GNA14: variants seen among roughly 807,000 people sequenced by gnomAD.
The protein encoded by GNA14 is guanine nucleotide-binding protein subunit alpha-14.
GNA14 carries 50 observed loss-of-function variants against 42.0 expected under a neutral mutation model. The observed-to-expected ratio is 1.19, with a 90% CI of 0.95 to 1.51. The LOEUF (loss-of-function observed/expected upper bound fraction) is 1.51. Ranked by LOEUF, GNA14 falls within the 40% of genes most tolerant of loss-of-function variation. GNA14 has a pLI of 0.00. For synonymous variants in GNA14, 173 were observed against 163.1 expected, an observed-to-expected ratio of 1.06 and a Z score of -0.46; for missense variants, 473 against 446.2, an observed-to-expected ratio of 1.06 and a Z score of -0.54.
At chr9:77,630,113 T>G (rs1186580267) in intron 1 of GNA14, among the ~76,000 whole-genome samples, 2 of 71,616 alleles carry the variant, frequency 2.8e-5, no homozygotes, top group African/African-American at 1.6e-4. Flanking sequence ...TTGTTTTTTG[T>G]TTTTTTTTTT....
intron 2 of GNA14, among the ~76,000 whole-genome samples, chr9:77,449,607 G>T (rs1835872863): frequency 6.6e-6 from 1 of 152,110 alleles, no homozygotes; most frequent in Non-Finnish European, 1.5e-5. Context: ...TCTCCCTGGG[G>T]CGCTGCTGAC....
chr9:77,425,539 C>T (rs777218501), intron 6 of GNA14, 23 bp downstream of exon 6: 3 of 1,568,694 alleles, frequency 1.9e-6, no homozygotes, highest in Admixed American at 1.8e-5. Context: ...ACAGAAAACA[C>T]TGTCCACAAG....
intron 2 of GNA14, among the ~76,000 whole-genome samples, chr9:77,437,791 T>C (rs1013978697): frequency 6.6e-6 from 1 of 152,152 alleles, no homozygotes; most frequent in South Asian, 2.1e-4. Flanking sequence ...AACACAGATA[T>C]GCCCTCACTT....
intron 1 of GNA14, among the ~76,000 whole-genome samples, chr9:77,598,619 A>G (rs1242436396): frequency 2.6e-5 from 4 of 152,168 alleles, no homozygotes; most frequent in African/African-American, 9.7e-5. Flanking sequence ...ATTTACTGGC[A>G]TATATGTGGA....
chr9:77,602,380 G>A (rs373488953), intron 1 of GNA14, among the ~76,000 whole-genome samples: 5 of 152,176 alleles, frequency 3.3e-5, no homozygotes, highest in African/African-American at 4.8e-5. Flanking sequence ...TTTTCTGACC[G>A]CATAGCAAAT....
rs75404531 is a variant in GNA14 at position 77,535,906 on chromosome 9, T to C, written c.125-6653A>G. 9.1e-5 allele frequency among the ~76,000 whole-genome samples: 13 copies of C among 143,064 alleles called. No individual in the cohort carries two copies. In the South Asian group the frequency reaches 1.1e-3, roughly 12 times the overall value. 93.9% of individuals were successfully genotyped at this position (143,064 alleles called of 152,430 possible). A position where few individuals can be genotyped will look rare whatever the true frequency, so the allele number is the denominator to read the frequency against. On this transcript the variant is annotated intron_variant, in intron 1 of 6. Coordinates refer to ENST00000341700, the MANE Select transcript of GNA14 (RefSeq NM_004297.4). ...TTAGTTGTTTTGTTTTTTTTTTTTT[T>C]CCAAGCAAGTTCCAATTTTATTTCT...
rs888842964 is a variant in GNA14, at chr9:77,565,035, G to A, written c.125-35782C>T. ...ATAATTTTAACATGTTTCCTACTGT[G>A]CATATTGTTCTGCTGCTGTTTTCAC... On this transcript the variant is annotated intron_variant, in intron 1 of 6. Coordinates refer to ENST00000341700, the MANE Select transcript of GNA14 (RefSeq NM_004297.4). Among the ~76,000 whole-genome samples, 8 of 152,202 alleles carry A rather than the reference G, an allele frequency of 5.3e-5. 1 individual carries two copies. The highest frequency in any genetic ancestry group is 2.6e-4 in the Admixed American group (4 of 15,296).
chr9:77,612,893 T>A (rs1300214355), intron 1 of GNA14, among the ~76,000 whole-genome samples: 1 of 152,138 alleles, frequency 6.6e-6, no homozygotes, highest in African/African-American at 2.4e-5. Context: ...GAAAGCAGGA[T>A]CTGAATGAGA....
At chr9:77,457,070 C>G (rs1228617251) in intron 2 of GNA14, among the ~76,000 whole-genome samples, 1 of 152,188 alleles carries the variant, frequency 6.6e-6, no homozygotes, top group Non-Finnish European at 1.5e-5. Flanking sequence ...GAAGCAAGAC[C>G]CAGGGTGCTT....
chr9:77,449,922 G>T (rs540059564), intron 2 of GNA14, among the ~76,000 whole-genome samples: 1 of 152,250 alleles, frequency 6.6e-6, no homozygotes, highest in Non-Finnish European at 1.5e-5. Flanking sequence ...GCCTCACAGT[G>T]ACTCAGACCC....
intron 3 of GNA14, among the ~76,000 whole-genome samples, chr9:77,432,522 G>A (rs1452523492): frequency 1.3e-5 from 2 of 152,166 alleles, no homozygotes; most frequent in Non-Finnish European, 2.9e-5. Context: ...CACAGTGCCT[G>A]GCGCATCACA....
chr9:77,572,241 C>T (rs942975506), intron 1 of GNA14, among the ~76,000 whole-genome samples: 5 of 152,026 alleles, frequency 3.3e-5, no homozygotes, highest in Non-Finnish European at 7.4e-5. Flanking sequence ...AAGTGTTTTC[C>T]AAGAAAAGAT....
At chr9:77,488,420 A>G (rs530475703) in intron 2 of GNA14, among the ~76,000 whole-genome samples, 8 of 152,326 alleles carry the variant, frequency 5.3e-5, no homozygotes, top group Admixed American at 2.0e-4. Flanking sequence ...CTGAAAAGAT[A>G]AATATCACTG....
At chr9:77,615,863 TG>T (rs143656374) in intron 1 of GNA14, among the ~76,000 whole-genome samples, 9,841 of 138,974 alleles carry the variant, frequency 0.071, 453 homozygotes, top group African/African-American at 0.16. Context: ...TTTTGTTTTT[TG>T]GGGTTTTTTT....
chr9:77,487,074 T>C (rs1453159405), intron 2 of GNA14, among the ~76,000 whole-genome samples: 1 of 149,912 alleles, frequency 6.7e-6, no homozygotes, highest in East Asian at 2.0e-4. Flanking sequence ...CAGCATAGAA[T>C]GAGGTATGCT....
Position 77,507,648 on chromosome 9 carries a change from A to G in GNA14, c.309+21421T>C, listed in dbSNP as rs1021279365. On this transcript the variant is annotated intron_variant, in intron 2 of 6. Coordinates refer to ENST00000341700, the MANE Select transcript of GNA14 (RefSeq NM_004297.4). ...CAAAGCATTACTCCAATAATCAGAA[A>G]AACAGCCGTTTGTTTTTAACGGCTC... 2.6e-5 allele frequency among the ~76,000 whole-genome samples: 4 copies of G among 152,280 alleles called. No homozygotes were observed. The South Asian group carries it at 8.3e-4, about 32-fold the overall frequency.
At chr9:77,510,721 G>A (rs1837151492) in intron 2 of GNA14, among the ~76,000 whole-genome samples, 1 of 152,210 alleles carries the variant, frequency 6.6e-6, no homozygotes, top group East Asian at 1.9e-4. Flanking sequence ...GCCCCTGGGA[G>A]AAGTGATGGA....
At chr9:77,632,781 G>A (rs1824119432) in intron 1 of GNA14, among the ~76,000 whole-genome samples, 1 of 152,186 alleles carries the variant, frequency 6.6e-6, no homozygotes, top group Non-Finnish European at 1.5e-5. Flanking sequence ...CAAAAGGCAT[G>A]TCTGACTCTG....
intron 1 of GNA14, among the ~76,000 whole-genome samples, chr9:77,627,696 T>C (rs545550701): frequency 7.9e-5 from 12 of 152,110 alleles, no homozygotes; most frequent in Non-Finnish European, 1.5e-4. Flanking sequence ...TCAACACCCA[T>C]TCATGCTAAA....
Sources: gnomAD v4.1 joint callset for allele counts (sites outside exome capture counted in the v4.1 genomes callset) on GRCh38, gnomAD v4.1.1 for gene constraint, MANE v1.5 for transcripts, NCBI Gene and HGNC (gene_info 2026-07-23, HGNC 2026-07-21) for gene names.